The following GOLGA4 variants were observed in gnomAD, a reference collection of about 807,000 sequenced individuals.
The protein encoded by GOLGA4 is golgin A4, also known as golgin subfamily A member 4.
A neutral mutation model predicts 265.9 loss-of-function variants in GOLGA4; 169 were observed. The ratio of observed to expected loss-of-function variants is 0.64; its 90% CI spans 0.56 to 0.72. The LOEUF (loss-of-function observed/expected upper bound fraction) is 0.72. GOLGA4 is among the 30% of genes least tolerant of loss of function. GOLGA4 has a pLI of 0.00. For synonymous variants in GOLGA4, 923 were observed against 855.8 expected (o/e 1.08, Z -1.37); for missense variants, 2,482 against 2,483.4 (o/e 1.00, Z 0.01).
chr3:37,366,830 G>T lies in GOLGA4; in HGVS notation c.*784G>T, dbSNP rs889180429. 1 of 152,124 alleles carries T rather than the reference G, an allele frequency of 6.6e-6. No homozygotes were observed. Among genetic ancestry groups the T allele is most frequent in the Non-Finnish European group, 1.5e-5 (1 of 68,024 alleles). 9.4% of individuals were successfully genotyped at this position (152,124 alleles called of 1,614,324 possible). A position where few individuals can be genotyped will look rare whatever the true frequency, so the allele number is the denominator to read the frequency against. On this transcript the variant is annotated 3_prime_UTR_variant, in exon 24 of 24. Coordinates refer to ENST00000361924, the MANE Select transcript of GOLGA4 (RefSeq NM_002078.5). ...TGCATATTCTATTTGGATGAATTTA[G>T]TGAGGAATTATTTGTCAATATAACT...
At chr3:37,346,819 A>G (rs2097058121) in intron 20 of GOLGA4, among the ~76,000 whole-genome samples, 1 of 152,172 alleles carries the variant, frequency 6.6e-6, no homozygotes, top group South Asian at 2.1e-4. Flanking sequence ...AGTGCTTTGT[A>G]TTGTCTGACT....
chr3:37,286,143 T>TTC (rs2096848442), intron 4 of GOLGA4, 82 bp downstream of exon 4: 1 of 579,586 alleles, frequency 1.7e-6, no homozygotes, highest in Non-Finnish European at 2.9e-6. Context: ...TCTTTCTTTT[T>TTC]TTTTTTTTTT....
chr3:37,355,552 A>G (rs1004988174), intron 22 of GOLGA4, among the ~76,000 whole-genome samples: 2 of 152,148 alleles, frequency 1.3e-5, no homozygotes, highest in Non-Finnish European at 2.9e-5. Flanking sequence ...GATGATTTAT[A>G]TATTACAGTT....
intron 2 of GOLGA4, among the ~76,000 whole-genome samples, chr3:37,264,835 A>G (rs1486402212): frequency 1.3e-5 from 2 of 152,152 alleles, no homozygotes; most frequent in African/African-American, 4.8e-5. Flanking sequence ...AGCTGGGACT[A>G]CAGGTCTGTG....
intron 10 of GOLGA4, among the ~76,000 whole-genome samples, chr3:37,307,972 G>T (rs1162130220): frequency 6.6e-6 from 1 of 152,092 alleles, no homozygotes; most frequent in Non-Finnish European, 1.5e-5. Context: ...GGTGGCTCAC[G>T]CCCGAAATCC....
intron 4 of GOLGA4, among the ~76,000 whole-genome samples, chr3:37,288,276 AT>A (rs79865454): frequency 5.4e-4 from 74 of 136,914 alleles, no homozygotes; most frequent in Admixed American, 7.3e-4. Flanking sequence ...TAATTTTTGA[AT>A]TTTTTTTTTT....
intron 18 of GOLGA4, among the ~76,000 whole-genome samples, chr3:37,337,412 T>C (rs1305232437): frequency 6.6e-6 from 1 of 152,094 alleles, no homozygotes; most frequent in Admixed American, 6.6e-5. Context: ...GGTTTTGCCA[T>C]GTTGGCCAGG....
At chr3:37,327,997 A>T (rs1578725374) in intron 14 of GOLGA4, among the ~76,000 whole-genome samples, 172 bp downstream of exon 14, 1 of 152,140 alleles carries the variant, frequency 6.6e-6, no homozygotes, top group Non-Finnish European at 1.5e-5. Flanking sequence ...AATTTAGGGC[A>T]AGTGGCAGTG....
chr3:37,352,222 TCA>T (rs1318729054), intron 21 of GOLGA4, among the ~76,000 whole-genome samples: 1 of 152,010 alleles, frequency 6.6e-6, no homozygotes, highest in Non-Finnish European at 1.5e-5. Context: ...TTTAATTGAC[TCA>T]CAGTTCTGCA....
intron 4 of GOLGA4, among the ~76,000 whole-genome samples, chr3:37,288,404 C>T (rs925120403): frequency 1.3e-5 from 2 of 151,150 alleles, no homozygotes; most frequent in Admixed American, 6.6e-5. Context: ...CCACCATGCC[C>T]GGCCAGCTTC....
chr3:37,363,641 T>C (rs550160335), intron 23 of GOLGA4, among the ~76,000 whole-genome samples: 50 of 152,128 alleles, frequency 3.3e-4, no homozygotes, highest in Non-Finnish European at 6.5e-4. Context: ...CTAAGTACTT[T>C]AGCATGTATC....
intron 2 of GOLGA4, among the ~76,000 whole-genome samples, chr3:37,266,335 G>T (rs1044340688): frequency 3.9e-5 from 6 of 152,054 alleles, no homozygotes; most frequent in South Asian, 2.1e-4. Flanking sequence ...GAGTGGCTGG[G>T]ACTACAGGTG....
rs757361378 is a variant in GOLGA4 at position 37,243,526 on chromosome 3, C to G, written c.-25C>G. ...TCTCGCCCTTCAGGTTTCGTTGACACTCAGGACCGTACGTACGCTGCGCCA... is the reference window on the plus strand; with the variant it reads ...TCTCGCCCTTCAGGTTTCGTTGACAGTCAGGACCGTACGTACGCTGCGCCA... On this transcript the variant is annotated 5_prime_UTR_variant, in exon 1 of 24. Coordinates refer to ENST00000361924, the MANE Select transcript of GOLGA4 (RefSeq NM_002078.5). 10 of 1,611,126 alleles carry G rather than the reference C, an allele frequency of 6.2e-6. No homozygotes were observed. In the African/African-American group the frequency reaches 6.7e-5, roughly 11 times the overall value.
chr3:37,245,954 G>T (rs1329760504), intron 1 of GOLGA4, among the ~76,000 whole-genome samples: 1 of 152,108 alleles, frequency 6.6e-6, no homozygotes, highest in East Asian at 1.9e-4. Context: ...TGTGATCTTA[G>T]AAACAAAAAA....
intron 16 of GOLGA4, among the ~76,000 whole-genome samples, chr3:37,329,807 A>G (rs2096984150): frequency 6.6e-6 from 1 of 152,300 alleles, no homozygotes. Context: ...ATGTAATACA[A>G]TATAAATTGT....
At chr3:37,270,874 T>C (rs2096796825) in intron 2 of GOLGA4, among the ~76,000 whole-genome samples, 1 of 151,892 alleles carries the variant, frequency 6.6e-6, no homozygotes, top group African/African-American at 2.4e-5. Flanking sequence ...TAATACGTAA[T>C]GAAGTAATTA....
In GOLGA4 at chr3:37,321,823, A is replaced by C; in HGVS notation, c.1638A>C (p.Ala546=). 1.2e-6 allele frequency: 2 copies of C among 1,613,470 alleles called. No homozygotes were observed. The highest frequency in any genetic ancestry group is 1.7e-6 in the Non-Finnish European group (2 of 1,179,668). Residue 546 remains alanine, a synonymous_variant, in exon 13 of 24, where the codon GCA becomes GCC. Coordinates refer to ENST00000361924, the MANE Select transcript of GOLGA4 (RefSeq NM_002078.5). ...AAGAGTTAGAGTTGCAGAAAAAAGC[A>C]ATCCTCACAGAAAGTGAAAATAAAC... ...ALEELELQKK[A]ILTESENKLR...
chr3:37,345,649 C>T (rs1274334382), intron 20 of GOLGA4, among the ~76,000 whole-genome samples: 1 of 152,138 alleles, frequency 6.6e-6, no homozygotes, highest in Non-Finnish European at 1.5e-5. Context: ...AGAAGAGACA[C>T]AAGTATTGAA....
intron 16 of GOLGA4, among the ~76,000 whole-genome samples, chr3:37,334,176 T>G (rs1266920939): frequency 6.6e-6 from 1 of 152,178 alleles, no homozygotes; most frequent in Non-Finnish European, 1.5e-5. Context: ...AATGAGGGAA[T>G]GTAAGGATGG....
Sources: gnomAD v4.1 joint callset for allele counts (sites outside exome capture counted in the v4.1 genomes callset) on GRCh38, gnomAD v4.1.1 for gene constraint, MANE v1.5 for transcripts, NCBI Gene and HGNC (gene_info 2026-07-23, HGNC 2026-07-21) for gene names.